Variants in SPNS3 observed in about 807,000 individuals in gnomAD.
The protein encoded by SPNS3 is SPNS lysolipid transporter 3, sphingosine-1-phosphate (putative).
A neutral mutation model predicts 54.4 loss-of-function variants in SPNS3; 51 were observed. The ratio of observed to expected loss-of-function variants is 0.94; its 90% CI spans 0.75 to 1.18. SPNS3 has a LOEUF of 1.18. SPNS3 is among the 50% of genes most tolerant of loss of function. The probability of loss-of-function intolerance (pLI) is 0.00; values close to 1 mark genes in which losing one functional copy is unlikely to be tolerated. For missense variants in SPNS3, 669 were observed against 677.4 expected (o/e 0.99, Z 0.14); for synonymous variants, 309 against 294.7 (o/e 1.05, Z -0.50).
At chr17:4,447,954 G>A (rs1029196958) in intron 5 of SPNS3, among the ~76,000 whole-genome samples, 3 of 152,164 alleles carry the variant, frequency 2.0e-5, no homozygotes, top group African/African-American at 7.2e-5. Flanking sequence ...CCCTGGAAAG[G>A]CTGCAGTGGT....
rs1331461453 is a variant in SPNS3, at chr17:4,449,381, C to A, written c.917C>A (p.Pro306His). The A allele has an allele frequency of 6.3e-7, 1 of 1,594,556 alleles. No homozygotes were observed. Among genetic ancestry groups the A allele is most frequent in the Non-Finnish European group, 8.5e-7 (1 of 1,175,660 alleles). The change falls in exon 7 of 12, where the codon CCC becomes CAC. Residue 306 changes from proline to histidine, a missense_variant. Pro to His is a moderately conservative substitution (Grantham distance 77). Transcript: ENST00000355530. ...TGCTTCCAGGAGCCGTGCAGCAACC[C>A]CGACAGGTGAGGGCATCCGGGGGCC... ...PPCFQEPCSN[P>H]DSLIFGALTI...
In SPNS3 at chr17:4,488,150, G is replaced by A. The variant is rs1426392114; in HGVS notation, c.*256G>A. ...GCCTGGGGTCTCCAGCCTGGCTGCT[G>A]CTGGGCCCTGAATAAAGAGAGGCCA... is the stretch of plus-strand genomic sequence containing the variant. On this transcript the variant is annotated 3_prime_UTR_variant, in exon 12 of 12. Transcript: ENST00000355530. 3.7e-6 allele frequency: 2 copies of A among 538,752 alleles called. No individual in the cohort carries two copies. Among genetic ancestry groups the A allele is most frequent in the Admixed American group, 6.5e-5 (2 of 30,772 alleles). The allele number at this position is 538,752 out of a possible 1,614,324, so 33.4% of individuals were successfully genotyped here. A position where few individuals can be genotyped will look rare whatever the true frequency, so the allele number is the denominator to read the frequency against.
intron 8 of SPNS3, among the ~76,000 whole-genome samples, chr17:4,474,312 G>A (rs369346953): frequency 1.1e-4 from 16 of 152,346 alleles, no homozygotes; most frequent in African/African-American, 3.1e-4. Context: ...GGGACAAAGC[G>A]TGCCAGACGG....
At chr17:4,446,740 C>T in intron 4 of SPNS3, 156 bp from the exon 5 acceptor site, 2 of 671,182 alleles carry the variant, frequency 3.0e-6, no homozygotes, top group Non-Finnish European at 5.3e-6. Context: ...GACATCTGGG[C>T]CTCACGTGGC....
intron 9 of SPNS3, among the ~76,000 whole-genome samples, chr17:4,481,286 G>T (rs1972144419): frequency 6.6e-6 from 1 of 152,008 alleles, no homozygotes; most frequent in Non-Finnish European, 1.5e-5. Context: ...GGAGGAAGTG[G>T]CCTCCCAGCA....
At chr17:4,480,740 C>T (rs1972128400) in intron 9 of SPNS3, among the ~76,000 whole-genome samples, 1 of 152,168 alleles carries the variant, frequency 6.6e-6, no homozygotes, top group Non-Finnish European at 1.5e-5. Context: ...GGGAGCTGCC[C>T]AGGGAGCCGG....
chr17:4,456,171 C>T (rs1250194841), intron 8 of SPNS3, among the ~76,000 whole-genome samples: 4 of 152,020 alleles, frequency 2.6e-5, no homozygotes, highest in Admixed American at 6.6e-5. Flanking sequence ...AGCCTGGTCT[C>T]GAACCCCTGT....
intron 8 of SPNS3, among the ~76,000 whole-genome samples, chr17:4,468,489 A>G (rs970833806): frequency 5.3e-5 from 8 of 152,000 alleles, no homozygotes; most frequent in African/African-American, 1.9e-4. Flanking sequence ...GGTGTGAAAG[A>G]AAGGAAGGAG....
intron 8 of SPNS3, among the ~76,000 whole-genome samples, chr17:4,477,152 GGC>G (rs760757973): frequency 3.9e-5 from 6 of 152,222 alleles, no homozygotes; most frequent in Non-Finnish European, 7.3e-5. Flanking sequence ...ACCATGCACA[GGC>G]CATCACGGCG....
chr17:4,481,709 C>T (rs1972154579), intron 9 of SPNS3, among the ~76,000 whole-genome samples: 1 of 152,164 alleles, frequency 6.6e-6, no homozygotes, highest in South Asian at 2.1e-4. Context: ...GACTGAACCT[C>T]TCTGGGTCTT....
intron 8 of SPNS3, among the ~76,000 whole-genome samples, chr17:4,455,000 G>T (rs184985175): frequency 4.0e-5 from 6 of 150,850 alleles, no homozygotes; most frequent in Non-Finnish European, 7.4e-5. Context: ...GGTAACCTCC[G>T]CCTCCTGGGT....
At chr17:4,461,387 T>TTTTTTTTTTTTG (rs1971502423) in intron 8 of SPNS3, among the ~76,000 whole-genome samples, 1 of 110,750 alleles carries the variant, frequency 9.0e-6, no homozygotes, top group African/African-American at 4.2e-5. Flanking sequence ...TTTTTTTTTT[T>TTTTTTTTTTTTG]GAGACAGGGT....
chr17:4,446,449 A>G (rs1970989715), intron 4 of SPNS3, among the ~76,000 whole-genome samples: 1 of 152,186 alleles, frequency 6.6e-6, no homozygotes, highest in African/African-American at 2.4e-5. Flanking sequence ...GTATAGATTC[A>G]CACACTCGGC....
chr17:4,448,247 G>A lies in SPNS3; in HGVS notation c.714G>A (p.Gly238=). Residue 238 remains glycine, a synonymous_variant, in exon 6 of 12, where the codon GGG becomes GGA. Transcript: ENST00000355530. Reference sequence around the variant, plus strand: ...GAGCTGCCGAGACACAGGGGGAGGGGGCCGTGGGAGGCTTCAGGAGCAGCT... The same window carrying A: ...GAGCTGCCGAGACACAGGGGGAGGGAGCCGTGGGAGGCTTCAGGAGCAGCT... ...PRGAAETQGE[G]AVGGFRSSWC... 1 of 1,599,566 alleles carries A rather than the reference G, an allele frequency of 6.3e-7. No homozygotes were observed. Among genetic ancestry groups the A allele is most frequent in the Non-Finnish European group, 8.5e-7 (1 of 1,173,832 alleles).
intron 8 of SPNS3, among the ~76,000 whole-genome samples, chr17:4,459,482 C>T (rs1971434322): frequency 6.6e-6 from 1 of 152,146 alleles, no homozygotes; most frequent in African/African-American, 2.4e-5. Flanking sequence ...GAGGCCGAGG[C>T]AGGCGGATCA....
chr17:4,479,068 A>G (rs903278788), intron 9 of SPNS3, among the ~76,000 whole-genome samples: 2 of 152,206 alleles, frequency 1.3e-5, no homozygotes, highest in Non-Finnish European at 2.9e-5. Context: ...TCAGCCTCCC[A>G]AGTAGCAGAG....
intron 8 of SPNS3, among the ~76,000 whole-genome samples, chr17:4,469,588 C>T (rs568467660): frequency 7.3e-6 from 1 of 136,328 alleles, no homozygotes; most frequent in Non-Finnish European, 1.5e-5. Flanking sequence ...CACTGCACGC[C>T]AGCCTGGGCG....
chr17:4,487,167 C>CAAAA (rs35822922), intron 11 of SPNS3, among the ~76,000 whole-genome samples: 1 of 70,508 alleles, frequency 1.4e-5, no homozygotes, highest in Non-Finnish European at 2.6e-5. Context: ...AAGACTGTCT[C>CAAAA]AAAAAAAAAA....
chr17:4,456,400 C>T (rs1054960160), intron 8 of SPNS3, among the ~76,000 whole-genome samples: 3 of 152,252 alleles, frequency 2.0e-5, no homozygotes, highest in Non-Finnish European at 2.9e-5. Flanking sequence ...ATCCCTTGTT[C>T]TCAGCCTTGG....
Sources: gnomAD v4.1 joint callset for allele counts (sites outside exome capture counted in the v4.1 genomes callset) on GRCh38, gnomAD v4.1.1 for gene constraint, MANE v1.5 for transcripts, NCBI Gene and HGNC (gene_info 2026-07-23, HGNC 2026-07-21) for gene names.